TBCA: variants seen among roughly 807,000 people sequenced by gnomAD.
TBCA encodes the protein tubulin folding cofactor A.
A neutral mutation model predicts 15.8 loss-of-function variants in TBCA; 6 were observed. The ratio of observed to expected loss-of-function variants is 0.38; its 90% CI spans 0.21 to 0.75. TBCA has a LOEUF of 0.75. Among genes scored for constraint, TBCA ranks in the 30% least tolerant of loss-of-function variants. TBCA has a pLI of 0.46. For missense variants in TBCA, 90 were observed against 131.2 expected (o/e 0.69, Z 1.53); for synonymous variants, 32 against 42.3 (o/e 0.76, Z 0.94).
At chr5:77,743,037 T>A (rs371219479) in intron 1 of TBCA, among the ~76,000 whole-genome samples, 81 of 152,278 alleles carry the variant, frequency 5.3e-4, no homozygotes, top group African/African-American at 1.9e-3. Flanking sequence ...CCATCTTCTA[T>A]CAATATGCTA....
At chr5:77,740,187 G>C (rs779096173) in intron 1 of TBCA, among the ~76,000 whole-genome samples, 2 of 152,174 alleles carry the variant, frequency 1.3e-5, no homozygotes, top group Non-Finnish European at 2.9e-5. Context: ...CACAGGAGAA[G>C]AGCAGCAAAG....
In TBCA at chr5:77,760,957, C is replaced by T. The variant is rs1326125965; in HGVS notation, c.53+15248G>A. On this transcript the variant is annotated intron_variant, in intron 1 of 3. Coordinates refer to ENST00000380377, the MANE Select transcript of TBCA (RefSeq NM_004607.3). ...AGGGAGGAGCACCTCTGCCCGGCCA[C>T]CCATCGTCTGGGAAGTGAGGAGCGC... Among the ~76,000 whole-genome samples the T allele has an allele frequency of 1.3e-4, 12 of 91,574 alleles. 1 individual carries two copies. The East Asian group carries it at 3.6e-3, about 27-fold the overall frequency. 60.1% of individuals were successfully genotyped at this position (91,574 alleles called of 152,430 possible).
At chr5:77,713,480 T>C (rs1746329742) in intron 1 of TBCA, among the ~76,000 whole-genome samples, 1 of 152,196 alleles carries the variant, frequency 6.6e-6, no homozygotes, top group African/African-American at 2.4e-5. Flanking sequence ...AATAATACTG[T>C]GATGAGCATC....
chr5:77,708,547 C>T (rs1057277513), intron 1 of TBCA, 200 bp from the exon 2 acceptor site: 19 of 362,436 alleles, frequency 5.2e-5, no homozygotes, highest in African/African-American at 1.7e-4. Context: ...ACCTGCCTAA[C>T]GTAAGTGCAA....
At chr5:77,749,695 G>A (rs1037591312) in intron 1 of TBCA, among the ~76,000 whole-genome samples, 3 of 152,006 alleles carry the variant, frequency 2.0e-5, no homozygotes, top group African/African-American at 2.4e-5. Flanking sequence ...CCTTTAAGCC[G>A]GCAATTGCAC....
At chr5:77,722,538 TC>T (rs530720986) in intron 1 of TBCA, among the ~76,000 whole-genome samples, 1 of 151,996 alleles carries the variant, frequency 6.6e-6, no homozygotes, top group Non-Finnish European at 1.5e-5. Flanking sequence ...AGTACACTCT[TC>T]CCCTCTTAAA....
intron 1 of TBCA, among the ~76,000 whole-genome samples, chr5:77,712,642 C>A (rs1235621924): frequency 6.6e-6 from 1 of 151,566 alleles, no homozygotes; most frequent in Non-Finnish European, 1.5e-5. Context: ...ATTTTGAAAC[C>A]CAAAGAAGTT....
At chr5:77,775,515 C>A (rs55695211) in intron 1 of TBCA, among the ~76,000 whole-genome samples, 10,878 of 152,268 alleles carry the variant, frequency 0.071, 543 homozygotes, top group African/African-American at 0.14. Flanking sequence ...GTCATGGGCA[C>A]GTCCTTGGCA....
chr5:77,767,279 G>C (rs76407867), intron 1 of TBCA, among the ~76,000 whole-genome samples: 2 of 151,986 alleles, frequency 1.3e-5, no homozygotes, highest in African/African-American at 2.4e-5. Flanking sequence ...CAAACAAACC[G>C]AGTTAGAATA....
chr5:77,760,265 T>TA (rs2112505590), intron 1 of TBCA, among the ~76,000 whole-genome samples: 1 of 152,352 alleles, frequency 6.6e-6, no homozygotes, highest in Admixed American at 6.5e-5. Context: ...GGGAAGGAAG[T>TA]AAATCCCTAG....
In TBCA at chr5:77,706,238, A is replaced by G. The variant is rs534344204; in HGVS notation, c.159+2004T>C. Among the ~76,000 whole-genome samples the G allele has an allele frequency of 1.1e-3, 171 of 152,356 alleles. 2 individuals carry two copies. Among genetic ancestry groups the G allele is most frequent in the African/African-American group, 3.9e-3 (164 of 41,586 alleles). ...ATTTTAAAAATAAATTTTAAGATAT[A>G]GTCTGTACAAGCTGGTTCACATTCT... On this transcript the variant is annotated intron_variant, in intron 2 of 3. Coordinates refer to ENST00000380377, the MANE Select transcript of TBCA (RefSeq NM_004607.3).
chr5:77,751,646 A>T (rs1026255029), intron 1 of TBCA, among the ~76,000 whole-genome samples: 4 of 152,182 alleles, frequency 2.6e-5, no homozygotes, highest in African/African-American at 9.7e-5. Context: ...ATTTTGTCCC[A>T]TAGCACTGTA....
intron 1 of TBCA, among the ~76,000 whole-genome samples, chr5:77,737,256 G>C (rs564060871): frequency 6.6e-6 from 1 of 152,034 alleles, no homozygotes; most frequent in African/African-American, 2.4e-5. Flanking sequence ...ATGAACCAAA[G>C]CTTTTGTTTA....
intron 1 of TBCA, among the ~76,000 whole-genome samples, chr5:77,751,443 T>C (rs1362174588): frequency 6.6e-6 from 1 of 151,982 alleles, no homozygotes; most frequent in Non-Finnish European, 1.5e-5. Context: ...GCTCCTAAAG[T>C]GCTGGGATTA....
intron 2 of TBCA, chr5:77,694,305 T>G (rs1021534044): frequency 1.3e-5 from 2 of 152,216 alleles, no homozygotes; most frequent in Non-Finnish European, 2.9e-5. Flanking sequence ...TGAGCCAAAT[T>G]ACCAATGTGG....
chr5:77,765,412 T>C (rs456148), intron 1 of TBCA, among the ~76,000 whole-genome samples: 66,839 of 152,046 alleles, frequency 0.44, 14,880 homozygotes, highest in East Asian at 0.53. Flanking sequence ...AGTACTATCA[T>C]AGTGAAAACT....
chr5:77,699,935 G>A (rs1427717981), intron 2 of TBCA, among the ~76,000 whole-genome samples: 1 of 151,468 alleles, frequency 6.6e-6, no homozygotes, highest in African/African-American at 2.4e-5. Flanking sequence ...CTACTAGGGA[G>A]GCTGAGGCAG....
chr5:77,765,863 C>T (rs1747759828), intron 1 of TBCA, among the ~76,000 whole-genome samples: 1 of 118,208 alleles, frequency 8.5e-6, no homozygotes, highest in South Asian at 2.9e-4. Context: ...ACCATTTGTA[C>T]AAGTGAAAAA....
intron 1 of TBCA, among the ~76,000 whole-genome samples, chr5:77,736,399 C>T (rs1746908059): frequency 6.6e-6 from 1 of 151,828 alleles, no homozygotes; most frequent in Non-Finnish European, 1.5e-5. Context: ...AACAACTGCT[C>T]TCTTTTCTTC....
Sources: allele counts gnomAD v4.1 joint callset (sites outside exome capture counted in the v4.1 genomes callset), GRCh38; gene constraint gnomAD v4.1.1; transcripts MANE v1.5; gene names NCBI Gene and HGNC (gene_info 2026-07-23, HGNC 2026-07-21).